The following CLXN variants were observed in gnomAD, a reference collection of about 807,000 sequenced individuals.
CLXN encodes EF-hand calcium binding domain 1.
chr8:48,735,075 G>A, the CLXN span: 2 of 1,614,088 alleles, frequency 1.2e-6, no homozygotes, highest in Non-Finnish European at 1.7e-6. Flanking sequence ...GGCCTGTCCA[G>A]CACTACATTC....
chr8:48,720,262 C>A, the CLXN span, among the ~76,000 whole-genome samples: 1 of 152,190 alleles, frequency 6.6e-6, no homozygotes, highest in African/African-American at 2.4e-5. Flanking sequence ...ACCATAAGGT[C>A]TGACTGCCTG....
chr8:48,726,484 T>TCATCCATCCATCCATCCATCCATC, the CLXN span, among the ~76,000 whole-genome samples: 1 of 105,218 alleles, frequency 9.5e-6, no homozygotes, highest in African/African-American at 3.9e-5. Context: ...ATCCATCCAT[T>TCATCCATCCATCCATCCATCCATC]CATCCATCCA....
At chr8:48,730,026 A>G in the CLXN span, 2 of 541,326 alleles carry the variant, frequency 3.7e-6, no homozygotes, top group Non-Finnish European at 6.2e-6. Flanking sequence ...ATACTAGGAT[A>G]TATACAATAA....
At chr8:48,730,116 C>A in the CLXN span, 1 of 374,948 alleles carries the variant, frequency 2.7e-6, no homozygotes, top group Non-Finnish European at 4.8e-6. Flanking sequence ...CACCTTGAAA[C>A]TCTTGGAAAA....
chr8:48,714,985 CA>C, the CLXN span: 2 of 152,120 alleles, frequency 1.3e-5, no homozygotes, highest in African/African-American at 4.8e-5. Flanking sequence ...CATTACAAGT[CA>C]AGCTACAGAC....
At chr8:48,731,548 T>TA in the CLXN span, 1 of 1,502,280 alleles carries the variant, frequency 6.7e-7, no homozygotes, top group Non-Finnish European at 8.9e-7. Context: ...CCTTAATCTT[T>TA]AAGTTCTAAC....
chr8:48,721,058 A>G, the CLXN span, among the ~76,000 whole-genome samples: 2,555 of 152,284 alleles, frequency 0.017, 33 homozygotes, highest in Middle Eastern at 0.027. Context: ...AAACACAACA[A>G]TGACAACAAC....
chr8:48,713,113 C>T, the CLXN span, among the ~76,000 whole-genome samples: 1,957 of 152,178 alleles, frequency 0.013, 42 homozygotes, highest in African/African-American at 0.045. Flanking sequence ...CCCTCAATGG[C>T]AACTTAGACT....
At chr8:48,734,773 A>T in the CLXN span, 1 of 292,674 alleles carries the variant, frequency 3.4e-6, no homozygotes, top group Non-Finnish European at 6.3e-6. Flanking sequence ...TGGTTTTAGC[A>T]TTTATTTTAC....
the CLXN span, chr8:48,730,584 C>G: frequency 6.2e-7 from 1 of 1,611,824 alleles, no homozygotes; most frequent in Non-Finnish European, 8.5e-7. Context: ...CAGTGATAAT[C>G]CATGAATCCA....
chr8:48,734,575 A>G, the CLXN span: 1 of 152,260 alleles, frequency 6.6e-6, no homozygotes, highest in Non-Finnish European at 1.5e-5. Context: ...CCAAACAAAT[A>G]TTGTTCTGAG....
At chr8:48,716,152 T>G in the CLXN span, 1 of 152,496 alleles carries the variant, frequency 6.6e-6, no homozygotes, top group East Asian at 2.0e-4. Context: ...CAGTGAGAAT[T>G]CTAGCACTGC....
chr8:48,723,558 C>G, the CLXN span: 1 of 152,146 alleles, frequency 6.6e-6, no homozygotes, highest in African/African-American at 2.4e-5. Context: ...GAGGATAGAA[C>G]AGATACGGTG....
the CLXN span, chr8:48,729,568 C>T: frequency 4.0e-6 from 3 of 748,130 alleles, no homozygotes; most frequent in African/African-American, 3.6e-5. Context: ...GGTGGTGAAA[C>T]TGAAAAGAAC....
chr8:48,735,134 C>A, the CLXN span: 13 of 1,614,038 alleles, frequency 8.1e-6, no homozygotes, highest in Non-Finnish European at 9.3e-6. Flanking sequence ...TCAGCTTCTG[C>A]AGTTTCTTGC....
At chr8:48,713,396 A>T in the CLXN span, among the ~76,000 whole-genome samples, 1 of 152,174 alleles carries the variant, frequency 6.6e-6, no homozygotes, top group Non-Finnish European at 1.5e-5. Context: ...GGCGAGCGTC[A>T]GAGGTGACTC....
chr8:48,729,405 C>T, the CLXN span, among the ~76,000 whole-genome samples: 1 of 151,658 alleles, frequency 6.6e-6, no homozygotes. Flanking sequence ...CGCCTGTAGT[C>T]CCAGATACTT....
At chr8:48,728,928 G>T in the CLXN span, 1 of 639,312 alleles carries the variant, frequency 1.6e-6, no homozygotes, top group Non-Finnish European at 2.6e-6. Flanking sequence ...GTATTTAAAA[G>T]GTATTCTTTC....
At chr8:48,724,571 A>G in the CLXN span, 9 of 480,172 alleles carry the variant, frequency 1.9e-5, no homozygotes, top group Admixed American at 8.2e-5. Flanking sequence ...CTTGTCTTCC[A>G]TCTATTTTAA....
Sources: allele counts gnomAD v4.1 joint callset (sites outside exome capture counted in the v4.1 genomes callset), GRCh38; gene constraint gnomAD v4.1.1; transcripts MANE v1.5; gene names NCBI Gene and HGNC (gene_info 2026-07-23, HGNC 2026-07-21).